Variants in FAM184A observed in about 807,000 individuals in gnomAD.
FAM184A encodes protein FAM184A.
FAM184A carries 99 observed loss-of-function variants against 143.8 expected under a neutral mutation model. The ratio of observed to expected loss-of-function variants is 0.69; its 90% CI spans 0.58 to 0.81. The LOEUF is 0.81. FAM184A is among the 40% of genes least tolerant of loss of function. The pLI is 0.00. For synonymous variants in FAM184A, 427 were observed against 446.4 expected (o/e 0.96, Z 0.55); for missense variants, 1,217 against 1,310.5 (o/e 0.93, Z 1.10).
chr6:119,036,729 AG>A (rs2114719296), intron 1 of FAM184A, among the ~76,000 whole-genome samples: 1 of 152,318 alleles, frequency 6.6e-6, no homozygotes, highest in South Asian at 2.1e-4. Context: ...GGCAAAGAAA[AG>A]TATGAATGTT....
At chr6:119,081,217 C>G (rs576603848), upstream of FAM184A, among the ~76,000 whole-genome samples, 4 of 152,238 alleles carry the variant, frequency 2.6e-5, no homozygotes, top group Admixed American at 2.6e-4. Context: ...ACAGGAACTA[C>G]CAAACACTTA....
rs750771286 is a variant in FAM184A at position 118,974,525 on chromosome 6, T to A, written c.2818A>T (p.Met940Leu). ...TTCTCTCTGAGGTGGTCTGCTGTCA[T>A]GACATCCAACTCTTTTTCAAGTCTC... ...NKRLEKELDV[M>L]TADHLREKNI... The change falls in exon 14 of 18, where the codon ATG (methionine) becomes TTG (leucine). Residue 940 changes from methionine (M) to leucine (L), a missense_variant. Met to Leu is a conservative substitution (Grantham distance 15). Coordinates refer to ENST00000338891, the MANE Select transcript of FAM184A (RefSeq NM_024581.6). 1.2e-6 allele frequency: 2 copies of A among 1,611,822 alleles called. No individual in the cohort carries two copies. The highest frequency in any genetic ancestry group is 2.7e-5 in the African/African-American group (2 of 74,886).
At chr6:119,034,564 T>C (rs1452585271) in intron 1 of FAM184A, among the ~76,000 whole-genome samples, 1 of 100,654 alleles carries the variant, frequency 9.9e-6, no homozygotes, top group Admixed American at 1.2e-4. Flanking sequence ...TTTTAATATA[T>C]AGTTTTTTTT....
intron 5 of FAM184A, among the ~76,000 whole-genome samples, chr6:119,012,364 C>T (rs1272214044): frequency 6.6e-6 from 1 of 152,158 alleles, no homozygotes; most frequent in African/African-American, 2.4e-5. Flanking sequence ...GTGATTATGG[C>T]ACAGGACTCA....
chr6:119,074,048 A>T (rs1210001459), intron 1 of FAM184A, among the ~76,000 whole-genome samples: 1 of 152,212 alleles, frequency 6.6e-6, no homozygotes, highest in Non-Finnish European at 1.5e-5. Flanking sequence ...CTCACTGTCA[A>T]GGAATTGAGG....
chr6:119,120,852 T>C (rs576635824), intron 1 of FAM184A, among the ~76,000 whole-genome samples: 11 of 150,890 alleles, frequency 7.3e-5, no homozygotes, highest in South Asian at 2.1e-4. Context: ...TTCTTTCTTT[T>C]TTTTTTTTTT....
At chr6:119,103,968 A>G (rs548358578) in intron 1 of FAM184A, among the ~76,000 whole-genome samples, 1 of 150,308 alleles carries the variant, frequency 6.7e-6, no homozygotes, top group African/African-American at 2.4e-5. Context: ...TTCATTCTTT[A>G]CTCTGGTAAT....
At chr6:119,081,340 C>T (rs568412347), upstream of FAM184A, among the ~76,000 whole-genome samples, 19 of 152,290 alleles carry the variant, frequency 1.2e-4, no homozygotes, top group South Asian at 4.1e-4. Context: ...CTTCGCAGGG[C>T]GTGCAATGGG....
chr6:119,046,958 A>G (rs902526338), intron 1 of FAM184A, among the ~76,000 whole-genome samples: 4 of 152,336 alleles, frequency 2.6e-5, no homozygotes, highest in Middle Eastern at 3.4e-3. Context: ...CACAGAGTAG[A>G]AAATATTTGC....
chr6:118,994,235 T>C (rs559851332), intron 9 of FAM184A, among the ~76,000 whole-genome samples: 2 of 152,212 alleles, frequency 1.3e-5, no homozygotes, highest in Non-Finnish European at 2.9e-5. Flanking sequence ...AGGCCTAGCA[T>C]ATCAGAGGCA....
rs1385731288 is a variant in FAM184A at position 119,010,402 on chromosome 6, A to G, written c.1653+907T>C. On this transcript the variant is annotated intron_variant, in intron 6 of 17. Coordinates refer to ENST00000338891, the MANE Select transcript of FAM184A (RefSeq NM_024581.6). ...ATCGTTATTAACACTGCATGGTCTC[A>G]ATTTTTTTATCATTGTTAATTTTAT... Among the ~76,000 whole-genome samples the G allele has an allele frequency of 3.3e-5, 5 of 152,228 alleles. No homozygotes were observed. The East Asian group carries it at 9.6e-4, about 29-fold the overall frequency.
At chr6:119,144,517 T>C (rs1772358807) in intron 1 of FAM184A, among the ~76,000 whole-genome samples, 1 of 152,200 alleles carries the variant, frequency 6.6e-6, no homozygotes, top group African/African-American at 2.4e-5. Flanking sequence ...TCCAAACTGC[T>C]GTTAGAGTCA....
intron 1 of FAM184A, among the ~76,000 whole-genome samples, chr6:119,057,031 C>T (rs569217479): frequency 9.8e-5 from 15 of 152,296 alleles, no homozygotes; most frequent in African/African-American, 3.4e-4. Context: ...TGGAATCAGA[C>T]CTTGAGCAGT....
At chr6:119,067,501 A>C (rs1000896044) in intron 1 of FAM184A, among the ~76,000 whole-genome samples, 5 of 152,228 alleles carry the variant, frequency 3.3e-5, no homozygotes, top group East Asian at 1.9e-4. Flanking sequence ...CCCAAAATCT[A>C]ACACTCAAGG....
intron 11 of FAM184A, among the ~76,000 whole-genome samples, chr6:118,976,986 GT>G (rs1214363229): frequency 6.6e-6 from 1 of 152,274 alleles, no homozygotes; most frequent in South Asian, 2.1e-4. Flanking sequence ...ATGTTTGGCA[GT>G]TTGTTACAAA....
At chr6:119,059,614 T>G (rs1387587900) in intron 1 of FAM184A, among the ~76,000 whole-genome samples, 1 of 152,194 alleles carries the variant, frequency 6.6e-6, no homozygotes, top group African/African-American at 2.4e-5. Flanking sequence ...ATTATTTCAG[T>G]TTTTCACCCT....
intron 1 of FAM184A, among the ~76,000 whole-genome samples, chr6:119,106,115 G>A (rs748254823): frequency 6.3e-4 from 96 of 152,272 alleles, no homozygotes; most frequent in Non-Finnish European, 1.1e-3. Flanking sequence ...AACTGATGCC[G>A]GGCGCAGTGG....
At position 119,025,671 on chromosome 6, in the gene FAM184A, A is replaced by G. The variant is rs969342708; in HGVS notation, c.160-858T>C. ...TTCCTCGGATGCCATCCATCATGCCACTGTGGTCACACGGTGAAATTTTCA... is the reference window on the plus strand; with the variant it reads ...TTCCTCGGATGCCATCCATCATGCCGCTGTGGTCACACGGTGAAATTTTCA... On this transcript the variant is annotated intron_variant, in intron 1 of 17. Coordinates refer to ENST00000338891, the MANE Select transcript of FAM184A (RefSeq NM_024581.6). 8.2e-5 allele frequency: 42 copies of G among 509,758 alleles called. 1 individual carries two copies. In the Middle Eastern group the frequency reaches 1.3e-3, roughly 16 times the overall value. The allele number at this position is 509,758 out of a possible 1,614,324, so 31.6% of individuals were successfully genotyped here.
intron 1 of FAM184A, among the ~76,000 whole-genome samples, chr6:119,040,263 A>G (rs1786275563): frequency 6.6e-6 from 1 of 152,158 alleles, no homozygotes. Flanking sequence ...GCCGCCGGTA[A>G]CTCGGGGTAC....
Sources: allele counts gnomAD v4.1 joint callset (sites outside exome capture counted in the v4.1 genomes callset), GRCh38; gene constraint gnomAD v4.1.1; transcripts MANE v1.5; gene names NCBI Gene and HGNC (gene_info 2026-07-23, HGNC 2026-07-21).